The following PDE4D variants were observed in gnomAD, a reference collection of about 807,000 sequenced individuals.
PDE4D encodes 3',5'-cyclic-AMP phosphodiesterase 4D.
A neutral mutation model predicts 87.4 loss-of-function variants in PDE4D; 24 were observed. The observed-to-expected ratio is 0.27, with a 90% confidence interval of 0.20 to 0.39. The LOEUF is 0.39. Ranked by LOEUF, PDE4D falls within the 10% of genes least tolerant of loss-of-function variation. The probability of loss-of-function intolerance (pLI) is 1.00; values close to 1 mark genes in which losing one functional copy is unlikely to be tolerated. For missense variants in PDE4D, 714 were observed against 1,041.0 expected (o/e 0.69, Z 4.32); for synonymous variants, 384 against 383.2 (o/e 1.00, Z -0.02).
intron 1 of PDE4D, among the ~76,000 whole-genome samples, chr5:59,545,401 T>C (rs529835623): frequency 3.3e-4 from 51 of 152,290 alleles, no homozygotes; most frequent in Non-Finnish European, 5.7e-4. Context: ...AGAATGGATG[T>C]TGATATTAGT....
intron 1 of PDE4D, chr5:60,430,863 G>A (rs1310641421): frequency 4.2e-6 from 1 of 240,950 alleles, no homozygotes; most frequent in African/African-American, 2.4e-5. Context: ...TTGGGGGTAA[G>A]GTCACAGATC....
chr5:59,878,308 C>A (rs1439259588), intron 1 of PDE4D, among the ~76,000 whole-genome samples: 1 of 152,196 alleles, frequency 6.6e-6, no homozygotes, highest in Non-Finnish European at 1.5e-5. Flanking sequence ...CACAACACTG[C>A]AAATTTCCTC....
At chr5:60,481,975 G>A (rs78825447) in intron 1 of PDE4D, among the ~76,000 whole-genome samples, 1,943 of 152,160 alleles carry the variant, frequency 0.013, 43 homozygotes, top group African/African-American at 0.044. Context: ...GAACAGTAAG[G>A]AAAGAAAAGA....
intron 1 of PDE4D, chr5:60,460,664 C>T: frequency 9.0e-7 from 1 of 1,110,930 alleles, no homozygotes; most frequent in Non-Finnish European, 1.4e-6. Flanking sequence ...GCCAATGTCT[C>T]CTCCGGTCCC....
At chr5:60,488,805 A>G (rs1237802845), upstream of PDE4D, among the ~76,000 whole-genome samples, 1 of 152,132 alleles carries the variant, frequency 6.6e-6, no homozygotes, top group African/African-American at 2.4e-5. Context: ...CAGAGAGAAA[A>G]TTGAGAAGAT....
intron 1 of PDE4D, among the ~76,000 whole-genome samples, chr5:59,728,937 TATA>T (rs1004913004): frequency 6.6e-6 from 1 of 152,106 alleles, no homozygotes; most frequent in African/African-American, 2.4e-5. Context: ...TTCTTATGCT[TATA>T]ATATTATGGC....
At chr5:59,502,663 AGTGT>A (rs56100725) in intron 1 of PDE4D, among the ~76,000 whole-genome samples, 20,056 of 135,014 alleles carry the variant, frequency 0.15, 1,561 homozygotes, top group African/African-American at 0.21. Context: ...TCCTTAAGGT[AGTGT>A]GTGTGTGTGT....
At chr5:60,442,868 T>A (rs1004697076) in intron 1 of PDE4D, among the ~76,000 whole-genome samples, 9 of 152,152 alleles carry the variant, frequency 5.9e-5, no homozygotes, top group African/African-American at 2.2e-4. Context: ...ACGGAATTTC[T>A]ATTAATGTTG....
intron 1 of PDE4D, among the ~76,000 whole-genome samples, chr5:59,284,335 T>C (rs867978901): frequency 6.6e-6 from 1 of 152,114 alleles, no homozygotes; most frequent in Non-Finnish European, 1.5e-5. Flanking sequence ...CCATTCTTGG[T>C]AGAGCACAAG....
intron 1 of PDE4D, among the ~76,000 whole-genome samples, chr5:60,470,828 C>T (rs1467659261): frequency 6.6e-6 from 1 of 152,150 alleles, no homozygotes; most frequent in Admixed American, 6.5e-5. Flanking sequence ...ATTGACAATG[C>T]ACCTAGTCAC....
At chr5:60,203,225 C>A (rs1358218261) in intron 1 of PDE4D, among the ~76,000 whole-genome samples, 3 of 152,190 alleles carry the variant, frequency 2.0e-5, no homozygotes, top group Admixed American at 2.0e-4. Context: ...CCCGCCTCCA[C>A]CTCCCAAAGT....
intron 2 of PDE4D, among the ~76,000 whole-genome samples, chr5:60,057,408 G>A (rs2152884823): frequency 1.3e-5 from 2 of 152,052 alleles, no homozygotes; most frequent in Middle Eastern, 6.8e-3. Flanking sequence ...AATAAAAAGA[G>A]TAATATCTGA....
chr5:60,111,013 G>A (rs927067911), intron 2 of PDE4D, among the ~76,000 whole-genome samples: 1 of 152,038 alleles, frequency 6.6e-6, no homozygotes, highest in African/African-American at 2.4e-5. Context: ...AAGGATGGGG[G>A]AAGAGGAGGA....
At chr5:59,255,816 G>A (rs1760870253) in intron 1 of PDE4D, among the ~76,000 whole-genome samples, 1 of 152,074 alleles carries the variant, frequency 6.6e-6, no homozygotes, top group Non-Finnish European at 1.5e-5. Context: ...ACATGGGAGT[G>A]TGCATATCTT....
chr5:59,691,318 C>A (rs566428177), intron 1 of PDE4D, among the ~76,000 whole-genome samples: 2 of 152,246 alleles, frequency 1.3e-5, no homozygotes, highest in African/African-American at 2.4e-5. Flanking sequence ...TTGGAACCAA[C>A]CCAAATGTCC....
At chr5:60,299,021 T>G (rs968456017) in intron 1 of PDE4D, among the ~76,000 whole-genome samples, 11 of 152,240 alleles carry the variant, frequency 7.2e-5, no homozygotes, top group Admixed American at 6.5e-4. Context: ...AGTTCATACT[T>G]TAATATTAAC....
At chr5:59,668,827 A>AGAAGAAGAAGAAGAGGAAGAG (rs1746576895) in intron 1 of PDE4D, among the ~76,000 whole-genome samples, 3 of 76,904 alleles carry the variant, frequency 3.9e-5, no homozygotes, top group African/African-American at 1.8e-4. Context: ...AAGAAGAAGA[A>AGAAGAAGAAGAAGAGGAAGAG]GAAGAGGAAG....
At chr5:59,790,139 G>A (rs1765624104) in intron 1 of PDE4D, among the ~76,000 whole-genome samples, 2 of 152,182 alleles carry the variant, frequency 1.3e-5, no homozygotes, top group Admixed American at 1.3e-4. Context: ...GCTTACAGGG[G>A]ACAGTAGTTT....
chr5:59,989,180 G>A (rs563664652), intron 2 of PDE4D, among the ~76,000 whole-genome samples: 55 of 146,834 alleles, frequency 3.7e-4, no homozygotes, highest in South Asian at 8.5e-4. Context: ...GCATCATTAG[G>A]AAATTTCCTT....
Sources: allele counts gnomAD v4.1 joint callset (sites outside exome capture counted in the v4.1 genomes callset), GRCh38; gene constraint gnomAD v4.1.1; transcripts MANE v1.5; gene names NCBI Gene and HGNC (gene_info 2026-07-23, HGNC 2026-07-21).